The following DGKB variants were observed in gnomAD, a reference collection of about 807,000 sequenced individuals.
DGKB encodes the protein 90 kDa diacylglycerol kinase.
In DGKB, 67 loss-of-function variants were observed where a neutral mutation model predicts 114.3. That is an observed-to-expected ratio of 0.59 (90% CI 0.48 to 0.72). The LOEUF is 0.72. Ranked by LOEUF, DGKB falls within the 30% of genes least tolerant of loss-of-function variation. The pLI, the probability that DGKB is intolerant of heterozygous loss-of-function variation, is 0.00. For synonymous variants in DGKB, 398 were observed against 323.1 expected, an observed-to-expected ratio of 1.23 and a Z score of -2.49; for missense variants, 907 against 975.2, an observed-to-expected ratio of 0.93 and a Z score of 0.93.
At chr7:14,149,941 G>A (rs1274301291) in intron 25 of DGKB, among the ~76,000 whole-genome samples, 1 of 152,090 alleles carries the variant, frequency 6.6e-6, no homozygotes, top group Non-Finnish European at 1.5e-5. Context: ...CACCTTAAAT[G>A]AGACAACCTT....
At chr7:14,653,735 A>G (rs1015772699) in intron 13 of DGKB, among the ~76,000 whole-genome samples, 11 of 152,164 alleles carry the variant, frequency 7.2e-5, no homozygotes, top group African/African-American at 2.4e-4. Flanking sequence ...ATGCAAATCA[A>G]TAAATGTGAT....
intron 1 of DGKB, among the ~76,000 whole-genome samples, chr7:14,859,496 T>G (rs1287210572): frequency 6.6e-6 from 1 of 152,094 alleles, no homozygotes; most frequent in Non-Finnish European, 1.5e-5. Flanking sequence ...AGGGGAACAC[T>G]GCACTCTATA....
intron 2 of DGKB, among the ~76,000 whole-genome samples, chr7:14,817,423 A>T (rs1844310572): frequency 6.6e-6 from 1 of 152,224 alleles, no homozygotes; most frequent in Non-Finnish European, 1.5e-5. Flanking sequence ...GCCAGATGCT[A>T]TGATATTTTT....
intron 1 of DGKB, among the ~76,000 whole-genome samples, chr7:14,929,808 C>T (rs146162705): frequency 4.7e-4 from 72 of 152,088 alleles, no homozygotes; most frequent in African/African-American, 1.7e-3. Context: ...GACTAATGTC[C>T]AGAAAAATTT....
intron 20 of DGKB, among the ~76,000 whole-genome samples, chr7:14,508,936 T>C (rs1339212200): frequency 1.3e-5 from 2 of 152,166 alleles, no homozygotes; most frequent in Non-Finnish European, 2.9e-5. Flanking sequence ...CAAGTGAGTA[T>C]TTTATGAACA....
chr7:14,262,049 T>C (rs1796856425), intron 23 of DGKB, among the ~76,000 whole-genome samples: 1 of 152,214 alleles, frequency 6.6e-6, no homozygotes, highest in African/African-American at 2.4e-5. Flanking sequence ...CAAGAAGATG[T>C]ATTTATCCTA....
chr7:14,833,707 C>T (rs1186906948), intron 2 of DGKB, among the ~76,000 whole-genome samples: 1 of 152,118 alleles, frequency 6.6e-6, no homozygotes, highest in Non-Finnish European at 1.5e-5. Flanking sequence ...CATGCATGCT[C>T]ATACACAAAT....
intron 13 of DGKB, among the ~76,000 whole-genome samples, chr7:14,647,958 A>G (rs1813453414): frequency 6.6e-6 from 1 of 152,216 alleles, no homozygotes. Context: ...ATGGCGCACC[A>G]TGAGATTATA....
intron 13 of DGKB, among the ~76,000 whole-genome samples, chr7:14,631,346 A>G (rs1585211409): frequency 6.6e-6 from 1 of 151,754 alleles, no homozygotes; most frequent in East Asian, 1.9e-4. Flanking sequence ...CAGAATAGAG[A>G]TGGACTAAAA....
chr7:14,767,379 G>T (rs1836619434), intron 2 of DGKB, among the ~76,000 whole-genome samples: 1 of 151,734 alleles, frequency 6.6e-6, no homozygotes, highest in South Asian at 2.1e-4. Context: ...TATTTGTCAT[G>T]ACATCATTAC....
At position 14,149,252 on chromosome 7, in the gene DGKB, G is replaced by A. The variant is rs778784829; in HGVS notation, c.2305-14C>T. 2.6e-6 allele frequency: 4 copies of A among 1,531,642 alleles called. No individual in the cohort carries two copies. Among genetic ancestry groups the A allele is most frequent in the Non-Finnish European group, 3.6e-6 (4 of 1,114,152 alleles). The allele number at this position is 1,531,642 out of a possible 1,614,324, so 94.9% of individuals were successfully genotyped here. A position where few individuals can be genotyped will look rare whatever the true frequency, so the allele number is the denominator to read the frequency against. On this transcript the variant is annotated splice_polypyrimidine_tract_variant and intron_variant, in intron 25 of 25. Coordinates refer to ENST00000402815, the MANE Select transcript of DGKB (RefSeq NM_001350709.2). ...TGTAATTTTTATCTAGAAAAAAAGAGAGAGAGAGAGAGAGAAAGAATAGAG... is the reference window on the plus strand; with the variant it reads ...TGTAATTTTTATCTAGAAAAAAAGAAAGAGAGAGAGAGAGAAAGAATAGAG...
Position 14,649,024 on chromosome 7 carries a change from G to A in DGKB, c.1135-18756C>T, listed in dbSNP as rs370734127. Among the ~76,000 whole-genome samples, 3 of 65,734 alleles carry A rather than the reference G, an allele frequency of 4.6e-5. 1 individual carries two copies. The highest frequency in any genetic ancestry group is 1.9e-4 in the African/African-American group (3 of 16,042). 43.1% of individuals were successfully genotyped at this position (65,734 alleles called of 152,430 possible). A position where few individuals can be genotyped will look rare whatever the true frequency, so the allele number is the denominator to read the frequency against. Reference sequence around the variant, plus strand: ...AAGACCAAATCTACGTCTCATTGGTGTACCTGAAAGTGATGGGGAGAATGG... The same window carrying A: ...AAGACCAAATCTACGTCTCATTGGTATACCTGAAAGTGATGGGGAGAATGG... On this transcript the variant is annotated intron_variant, in intron 13 of 25. Coordinates refer to ENST00000402815, the MANE Select transcript of DGKB (RefSeq NM_001350709.2).
At chr7:14,324,761 G>C (rs1297411049) in intron 23 of DGKB, among the ~76,000 whole-genome samples, 1 of 151,738 alleles carries the variant, frequency 6.6e-6, no homozygotes, top group Admixed American at 6.6e-5. Context: ...AATAACACAC[G>C]CGAGAACAAG....
intron 23 of DGKB, among the ~76,000 whole-genome samples, chr7:14,261,866 G>A (rs1438859875): frequency 6.6e-6 from 1 of 152,096 alleles, no homozygotes; most frequent in African/African-American, 2.4e-5. Flanking sequence ...TTCTTGGAAA[G>A]CAATTGGCAT....
chr7:14,898,084 A>C (rs1782396517), intron 1 of DGKB, among the ~76,000 whole-genome samples: 1 of 152,036 alleles, frequency 6.6e-6, no homozygotes, highest in Admixed American at 6.6e-5. Context: ...GGAACCATAT[A>C]GAAAGACTGT....
rs1799790571 is a variant in DGKB at position 14,280,614 on chromosome 7, G to A, written c.2122+57901C>T. On this transcript the variant is annotated intron_variant, in intron 23 of 25. Coordinates refer to ENST00000402815, the MANE Select transcript of DGKB (RefSeq NM_001350709.2). ...AATGTTAAGGGCAGCCAGAGAGAAA[G>A]GTCGGGTTCCCCTCAAAGGGAAGCC... Among the ~76,000 whole-genome samples the A allele has an allele frequency of 8.6e-5, 13 of 151,346 alleles. No individual in the cohort carries two copies. In the South Asian group the frequency reaches 2.7e-3, roughly 32 times the overall value.
At chr7:14,313,414 G>A (rs934594687) in intron 23 of DGKB, among the ~76,000 whole-genome samples, 116 of 152,148 alleles carry the variant, frequency 7.6e-4, no homozygotes, top group African/African-American at 2.3e-3. Context: ...CAGTGGGTGT[G>A]CGCACAGTGC....
chr7:14,853,723 C>G (rs1849709519), intron 1 of DGKB, among the ~76,000 whole-genome samples: 1 of 151,452 alleles, frequency 6.6e-6, no homozygotes, highest in African/African-American at 2.4e-5. Flanking sequence ...AAAAAATTAG[C>G]CGGGAGTGGT....
chr7:14,302,530 G>A (rs565229362), intron 23 of DGKB, among the ~76,000 whole-genome samples: 12 of 152,118 alleles, frequency 7.9e-5, no homozygotes, highest in African/African-American at 2.2e-4. Flanking sequence ...CCCATTGCTC[G>A]TTTTACTCTA....
Sources: gnomAD v4.1 joint callset for allele counts (sites outside exome capture counted in the v4.1 genomes callset) on GRCh38, gnomAD v4.1.1 for gene constraint, MANE v1.5 for transcripts, NCBI Gene and HGNC (gene_info 2026-07-23, HGNC 2026-07-21) for gene names.